The following MCM6 variants were observed in gnomAD, a reference collection of about 807,000 sequenced individuals.
MCM6 encodes DNA replication licensing factor MCM6.
A neutral mutation model predicts 94.3 loss-of-function variants in MCM6; 46 were observed. That is an observed-to-expected ratio of 0.49 (90% CI 0.39 to 0.62). MCM6 has a LOEUF of 0.62. Among genes scored for constraint, MCM6 ranks in the 20% least tolerant of loss-of-function variants. The pLI, the probability that MCM6 is intolerant of heterozygous loss-of-function variation, is 0.00. For missense variants in MCM6, 865 were observed against 1,017.9 expected (o/e 0.85, Z 2.04); for synonymous variants, 335 against 351.9 (o/e 0.95, Z 0.54).
At chr2:135,872,901 T>G in intron 1 of MCM6, 58 bp from the exon 2 acceptor site, 15 of 1,586,534 alleles carry the variant, frequency 9.5e-6, no homozygotes, top group Non-Finnish European at 1.2e-5. Flanking sequence ...AGAACCTGAA[T>G]GATAATTCAG....
chr2:135,866,356 C>G, intron 5 of MCM6, 79 bp from the exon 6 acceptor site: 4 of 1,543,170 alleles, frequency 2.6e-6, no homozygotes, highest in Non-Finnish European at 3.5e-6. Flanking sequence ...TAAATGAAAG[C>G]TATAAATCCA....
intron 1 of MCM6, among the ~76,000 whole-genome samples, chr2:135,874,990 G>A (rs1680268767): frequency 6.6e-6 from 1 of 152,226 alleles, no homozygotes; most frequent in Admixed American, 6.5e-5. Flanking sequence ...ATGAAAGGAA[G>A]CAGAGTGGTG....
rs757540721 is a variant in MCM6, at chr2:135,851,544, T to C, written c.1775A>G (p.Asp592Gly). The stretch of plus-strand genomic sequence containing the variant: ...ATGTTTATATTGCTCCACAATGAAG[T>C]CCTCTGACTCTTTGGAAATCTGTTT... ...FKPKISKESE[D>G]FIVEQYKHLR... Residue 592 changes from aspartate to glycine, a missense_variant, in exon 13 of 17, where the codon GAC (aspartate) becomes GGC (glycine). Physicochemically the swap from Asp to Gly is moderately conservative, Grantham distance 94. Transcript: ENST00000264156. 1.2e-6 allele frequency: 2 copies of C among 1,604,606 alleles called. No individual in the cohort carries two copies. Among genetic ancestry groups the C allele is most frequent in the Non-Finnish European group, 1.7e-6 (2 of 1,175,112 alleles).
chr2:135,875,454 T>G (rs984247536), intron 1 of MCM6, among the ~76,000 whole-genome samples: 9 of 152,018 alleles, frequency 5.9e-5, no homozygotes, highest in Non-Finnish European at 4.4e-5. Flanking sequence ...CACTTAAAAA[T>G]GGCTAAAATG....
rs1490548198 is a variant in MCM6 at position 135,862,746 on chromosome 2, T to C, written c.1081A>G (p.Asn361Asp). 2.5e-6 allele frequency: 4 copies of C among 1,613,040 alleles called. No individual in the cohort carries two copies. The highest frequency in any genetic ancestry group is 1.7e-6 in the Non-Finnish European group (2 of 1,179,682). The change falls in exon 8 of 17, where the codon AAT becomes GAT. Residue 361 changes from asparagine (N) to aspartate (D), a missense_variant and splice_region_variant. By Grantham distance (23) the Asn-to-Asp change is conservative. Around this residue, in one of 3 missense-constraint regions of MCM6, gnomAD observed 404 missense variants for 451.9 expected, o/e 0.89. Coordinates refer to ENST00000264156, the MANE Select transcript of MCM6 (RefSeq NM_005915.6). ...AGGACACCCCGTTTTACTTCATCAT[T>C]GCCTGAAATGAAAAGAAGCTACAGA... is the stretch of plus-strand genomic sequence containing the variant. ...CTSLFPTIHG[N>D]DEVKRGVLLM...
In MCM6 at chr2:135,849,730, A is replaced by G. The variant is rs4988245; in HGVS notation, c.1918-1542T>C. 8.6e-3 allele frequency among the ~76,000 whole-genome samples: 1,310 copies of G among 152,316 alleles called. 95 individuals carry two copies. In the East Asian group the frequency reaches 0.18, roughly 21 times the overall value. ...ATCCTAACACACACAAGAATATATA[A>G]TTAAGGCATGCCAAACCAGTGTCAA... On this transcript the variant is annotated intron_variant, in intron 13 of 16. Coordinates refer to ENST00000264156, the MANE Select transcript of MCM6 (RefSeq NM_005915.6).
intron 11 of MCM6, among the ~76,000 whole-genome samples, chr2:135,853,524 T>C (rs1679814284): frequency 6.6e-6 from 1 of 152,146 alleles, no homozygotes; most frequent in Non-Finnish European, 1.5e-5. Flanking sequence ...AGGCAGGTCT[T>C]AGAAGAATTA....
In MCM6 at chr2:135,876,211, G is replaced by A. The variant is rs749449456; in HGVS notation, c.107+48C>T. ...CCACACGGCACCGCCTGGCCCAGAC[G>A]CCGCAGGCTCCGGAGGCGGGCGAGG... On this transcript the variant is annotated intron_variant, in intron 1 of 16. Coordinates refer to ENST00000264156, the MANE Select transcript of MCM6 (RefSeq NM_005915.6). The A allele has an allele frequency of 1.1e-5, 16 of 1,464,126 alleles. No individual in the cohort carries two copies. In the Admixed American group the frequency reaches 3.7e-4, roughly 34 times the overall value. The allele number at this position is 1,464,126 out of a possible 1,614,324, so 90.7% of individuals were successfully genotyped here. A position where few individuals can be genotyped will look rare whatever the true frequency, so the allele number is the denominator to read the frequency against.
intron 4 of MCM6, among the ~76,000 whole-genome samples, chr2:135,867,577 C>T (rs1453432528): frequency 6.6e-6 from 1 of 152,150 alleles, no homozygotes; most frequent in Non-Finnish European, 1.5e-5. Context: ...TTCAGCTTTT[C>T]TTTCCATTTT....
In MCM6 at chr2:135,868,926, T is replaced by A. The variant is rs181570143; in HGVS notation, c.366-66A>T. ...TTAACTAAGAATCTTTCCATTTTAG[T>A]GAGAGGGTATTCAAAGATAATTTAT... On this transcript the variant is annotated intron_variant, in intron 3 of 16. Transcript: ENST00000264156. 8.7e-5 allele frequency: 127 copies of A among 1,457,098 alleles called. No homozygotes were observed. The East Asian group carries it at 2.4e-3, about 28-fold the overall frequency. 90.3% of individuals were successfully genotyped at this position (1,457,098 alleles called of 1,614,324 possible).
chr2:135,868,542 A>C, intron 4 of MCM6, 69 bp downstream of exon 4: 7 of 1,483,342 alleles, frequency 4.7e-6, no homozygotes, highest in South Asian at 1.2e-5. Flanking sequence ...TAAATAAGCT[A>C]TTGCAAGGGC....
rs1294919728 is a variant in MCM6 at position 135,870,233 on chromosome 2, C to T, written c.365+18G>A. On this transcript the variant is annotated intron_variant, in intron 3 of 16. Transcript: ENST00000264156. Reference sequence around the variant, plus strand: ...ACCATTTGGTGAATTCCTTTTTTTCCAGAGAAGGGTTTCTTACTTGTGTCT... The same window carrying T: ...ACCATTTGGTGAATTCCTTTTTTTCTAGAGAAGGGTTTCTTACTTGTGTCT... 69 of 1,580,564 alleles carry T rather than the reference C, an allele frequency of 4.4e-5. No homozygotes were observed. Among genetic ancestry groups the T allele is most frequent in the Non-Finnish European group, 5.9e-5 (68 of 1,152,576 alleles).
intron 7 of MCM6, 49 bp from the exon 8 acceptor site, chr2:135,862,797 GTTAAACAC>G: frequency 6.3e-7 from 1 of 1,594,414 alleles, no homozygotes; most frequent in Non-Finnish European, 8.6e-7. Context: ...TCAACATGAA[GTTAAACAC>G]TTTCAGAAGA....
intron 13 of MCM6, among the ~76,000 whole-genome samples, chr2:135,848,396 A>C (rs924646285): frequency 6.6e-6 from 1 of 152,208 alleles, no homozygotes; most frequent in African/African-American, 2.4e-5. Flanking sequence ...AGAATGGCTA[A>C]AATGACTGAC....
intron 8 of MCM6, among the ~76,000 whole-genome samples, chr2:135,861,865 C>G (rs1680001583): frequency 2.0e-5 from 3 of 152,196 alleles, no homozygotes; most frequent in African/African-American, 7.2e-5. Context: ...ATCCGCCCGC[C>G]TTGATTTCCC....
At chr2:135,873,814 G>T (rs571681794) in intron 1 of MCM6, among the ~76,000 whole-genome samples, 1 of 149,788 alleles carries the variant, frequency 6.7e-6, no homozygotes, top group Admixed American at 6.8e-5. Context: ...ATGTGCTAGG[G>T]GAATAGAAAC....
At chr2:135,863,761 CAGGTAG>C (rs1483931177) in intron 7 of MCM6, among the ~76,000 whole-genome samples, 1 of 134,378 alleles carries the variant, frequency 7.4e-6, no homozygotes, top group Non-Finnish European at 1.6e-5. Context: ...CAAAACAAAA[CAGGTAG>C]AAAACTAAAA....
chr2:135,862,219 G>C (rs1680007878), intron 8 of MCM6, among the ~76,000 whole-genome samples: 1 of 151,310 alleles, frequency 6.6e-6, no homozygotes, highest in Admixed American at 6.6e-5. Flanking sequence ...TTACAAGTAT[G>C]TATAATATGA....
chr2:135,865,228 G>T, intron 6 of MCM6, 65 bp from the exon 7 acceptor site: 2 of 1,138,718 alleles, frequency 1.8e-6, no homozygotes, highest in Non-Finnish European at 1.1e-6. Context: ...TAAAGGAGAA[G>T]AAACTTCATT....
Sources: gnomAD v4.1 joint callset for allele counts (sites outside exome capture counted in the v4.1 genomes callset) on GRCh38, gnomAD v4.1.1 for gene constraint, gnomAD v4.1.1 regional missense constraint, MANE v1.5 for transcripts, NCBI Gene and HGNC (gene_info 2026-07-23, HGNC 2026-07-21) for gene names.